The following CRTAC1 variants were observed in gnomAD, a reference collection of about 807,000 sequenced individuals.
The protein encoded by CRTAC1 is cartilage acidic protein 1.
CRTAC1 carries 37 observed loss-of-function variants against 67.8 expected under a neutral mutation model. The observed-to-expected ratio is 0.55, with a 90% CI of 0.42 to 0.72. The LOEUF (loss-of-function observed/expected upper bound fraction) is 0.72. CRTAC1 is among the 30% of genes least tolerant of loss of function. The probability of loss-of-function intolerance (pLI) is 0.00; values close to 1 mark genes in which losing one functional copy is unlikely to be tolerated. For missense variants in CRTAC1, 780 were observed against 931.6 expected (o/e 0.84, Z 2.12); for synonymous variants, 348 against 371.0 (o/e 0.94, Z 0.71).
chr10:97,901,713 TG>T, intron 7 of CRTAC1, 74 bp from the exon 8 acceptor site: 1 of 1,557,870 alleles, frequency 6.4e-7, no homozygotes, highest in Admixed American at 1.8e-5. Flanking sequence ...CTCTATGGAG[TG>T]TGGGGGCAAT....
chr10:98,006,933 A>C lies in CRTAC1; in HGVS notation c.224+4205T>G, dbSNP rs116412381. On this transcript the variant is annotated intron_variant, in intron 2 of 14. Coordinates refer to ENST00000370597, the MANE Select transcript of CRTAC1 (RefSeq NM_018058.7). ...ATTCTTAAACAGTGAGTTGACAATC[A>C]GACAGATAATAAAGCAGAATTAAAT... 9.0e-3 allele frequency among the ~76,000 whole-genome samples: 1,365 copies of C among 152,354 alleles called. 29 individuals carry two copies. Among genetic ancestry groups the C allele is most frequent in the African/African-American group, 0.027 (1,103 of 41,576 alleles).
At chr10:97,968,546 T>A (rs1261121503) in intron 2 of CRTAC1, among the ~76,000 whole-genome samples, 1 of 152,316 alleles carries the variant, frequency 6.6e-6, no homozygotes, top group Non-Finnish European at 1.5e-5. Context: ...CTTGCAATTC[T>A]TTATATTTTA....
At chr10:97,993,931 A>G (rs1466892279) in intron 2 of CRTAC1, among the ~76,000 whole-genome samples, 1 of 152,070 alleles carries the variant, frequency 6.6e-6, no homozygotes, top group Non-Finnish European at 1.5e-5. Flanking sequence ...ATCTTGGCTC[A>G]CTGCAACCTC....
intron 2 of CRTAC1, among the ~76,000 whole-genome samples, chr10:98,000,043 G>T (rs1377367479): frequency 2.0e-5 from 3 of 152,198 alleles, no homozygotes; most frequent in African/African-American, 7.2e-5. Flanking sequence ...GCTGCAGAAA[G>T]GAGCTGCCCT....
chr10:97,912,374 G>A (rs2050698801), intron 5 of CRTAC1, among the ~76,000 whole-genome samples: 1 of 152,184 alleles, frequency 6.6e-6, no homozygotes, highest in African/African-American at 2.4e-5. Context: ...GGTAGGGGCT[G>A]GAGTTAGAGG....
chr10:97,925,395 GGTGT>G (rs985864398), intron 3 of CRTAC1, among the ~76,000 whole-genome samples: 3 of 151,688 alleles, frequency 2.0e-5, no homozygotes, highest in African/African-American at 7.3e-5. Context: ...CATGAGAGTG[GGTGT>G]GTGAGTGAGG....
rs2050451273 is a variant in CRTAC1, at chr10:97,895,910, G to C, written c.1292C>G (p.Pro431Arg). The C allele has an allele frequency of 1.2e-6, 2 of 1,613,480 alleles. No individual in the cohort carries two copies. Among genetic ancestry groups the C allele is most frequent in the South Asian group, 2.2e-5 (2 of 91,070 alleles). The change falls in exon 10 of 15, where the codon CCG becomes CGG. Residue 431 changes from proline to arginine, a missense_variant. Physicochemically the swap from Pro to Arg is moderately radical, Grantham distance 103. Coordinates refer to ENST00000370597, the MANE Select transcript of CRTAC1 (RefSeq NM_018058.7). This position sits in a 1 kb window ranked among gnomAD's most constrained non-coding sequence, Gnocchi z 4.2. ...ILSHGESMAQ[P>R]LSVFRGNQGF... ...CTGATTGCCCCGGAAGACGGACAGC[G>C]GCTGAGCCATGGACTCTCCATGGGA...
chr10:97,982,588 G>A (rs1274417664), intron 2 of CRTAC1, among the ~76,000 whole-genome samples: 4 of 152,174 alleles, frequency 2.6e-5, no homozygotes, highest in South Asian at 2.1e-4. Context: ...AGCGCAACAC[G>A]TAGACAATCA....
intron 2 of CRTAC1, among the ~76,000 whole-genome samples, chr10:97,950,233 G>GCACA (rs58716155): frequency 4.2e-4 from 53 of 126,344 alleles, no homozygotes; most frequent in East Asian, 3.4e-3. Context: ...GCATGTACGT[G>GCACA]CACACACACA....
At chr10:97,941,978 G>C (rs2051184044) in intron 2 of CRTAC1, among the ~76,000 whole-genome samples, 1 of 152,008 alleles carries the variant, frequency 6.6e-6, no homozygotes, top group Non-Finnish European at 1.5e-5. Context: ...CTTGAATTCT[G>C]GCAAGTGCTT....
Position 97,918,687 on chromosome 10 carries a change from T to C in CRTAC1, c.559-1031A>G, listed in dbSNP as rs569408348. ...GAGCTCACAGCAACAAGACTGGTGG[T>C]CCTCTTTCCTTGCTTCAATGTCTCA... On this transcript the variant is annotated intron_variant, in intron 4 of 14. Transcript: ENST00000370597. 6.6e-5 allele frequency among the ~76,000 whole-genome samples: 10 copies of C among 152,336 alleles called. No individual in the cohort carries two copies. In the South Asian group the frequency reaches 2.1e-3, roughly 32 times the overall value.
intron 14 of CRTAC1, chr10:97,878,460 G>T: frequency 1.1e-5 from 5 of 469,040 alleles, no homozygotes; most frequent in East Asian, 9.4e-5. Context: ...CTTTTTTTTT[G>T]TTGAATATGT....
At chr10:97,886,642 C>CT (rs1221391999) in intron 11 of CRTAC1, among the ~76,000 whole-genome samples, 42 of 33,848 alleles carry the variant, frequency 1.2e-3, no homozygotes, top group Non-Finnish European at 2.3e-3. Flanking sequence ...ATTTTTTTTT[C>CT]TTTTTTCTTT....
chr10:97,997,978 C>T (rs897293314), intron 2 of CRTAC1, among the ~76,000 whole-genome samples: 2 of 151,046 alleles, frequency 1.3e-5, no homozygotes, highest in African/African-American at 4.9e-5. Flanking sequence ...GAAAGACTTG[C>T]TTTTTTTTTG....
At chr10:97,922,545 A>G (rs2050855662) in intron 4 of CRTAC1, among the ~76,000 whole-genome samples, 3 of 152,194 alleles carry the variant, frequency 2.0e-5, no homozygotes, top group Admixed American at 2.0e-4. Context: ...GACAGGAGGG[A>G]TAAATCACCT....
chr10:97,876,187 G>GAGTGCCAGCTGAC (rs1255937329), intron 14 of CRTAC1, among the ~76,000 whole-genome samples: 57 of 152,336 alleles, frequency 3.7e-4, no homozygotes, highest in African/African-American at 1.3e-3. Flanking sequence ...TGGTAGTTGA[G>GAGTGCCAGCTGAC]AGTGCCAGCT....
intron 7 of CRTAC1, among the ~76,000 whole-genome samples, chr10:97,903,206 T>G (rs1174563579): frequency 6.8e-6 from 1 of 148,062 alleles, no homozygotes; most frequent in Non-Finnish European, 1.5e-5. Flanking sequence ...TGGGACTGGA[T>G]AATCCTTTGT....
chr10:98,006,722 C>T (rs767368730), intron 2 of CRTAC1, among the ~76,000 whole-genome samples: 5 of 152,112 alleles, frequency 3.3e-5, no homozygotes, highest in Non-Finnish European at 7.3e-5. Context: ...AGTTCAAGTA[C>T]GGAGCGCTTT....
chr10:97,925,126 C>T (rs1590213165), intron 3 of CRTAC1, among the ~76,000 whole-genome samples: 1 of 152,152 alleles, frequency 6.6e-6, no homozygotes, highest in East Asian at 1.9e-4. Flanking sequence ...CAAAAATTAG[C>T]CAGGTGTGGT....
Sources: gnomAD v4.1 joint callset for allele counts (sites outside exome capture counted in the v4.1 genomes callset) on GRCh38, gnomAD v4.1.1 for gene constraint, Gnocchi (gnomAD v3.1) non-coding constraint, MANE v1.5 for transcripts, NCBI Gene and HGNC (gene_info 2026-07-23, HGNC 2026-07-21) for gene names.